The following B3GNT3 variants were observed in gnomAD, a reference collection of about 807,000 sequenced individuals.
B3GNT3 encodes the protein UDP-GlcNAc:betaGal beta-1,3-N-acetylglucosaminyltransferase 3.
Under a neutral mutation model 11.6 loss-of-function variants are expected in B3GNT3, and 7 were observed. The ratio of observed to expected loss-of-function variants is 0.60; its 90% confidence interval spans 0.34 to 1.13. The LOEUF (loss-of-function observed/expected upper bound fraction) is 1.13, where lower values mean the gene tolerates loss of function less well. Among genes scored for constraint, B3GNT3 ranks in the 50% most tolerant of loss-of-function variants. The pLI is 0.03. For synonymous variants in B3GNT3, 201 were observed against 222.1 expected (o/e 0.90, Z 0.85); for missense variants, 400 against 507.4 (o/e 0.79, Z 2.03).
chr19:17,808,066 A>G lies in B3GNT3; in HGVS notation c.259A>G (p.Arg87Gly), dbSNP rs1473010243. Residue 87 changes from arginine (R) to glycine (G), a missense_variant, in exon 2 of 3, where the codon AGA becomes GGA. Coordinates refer to ENST00000318683, the MANE Select transcript of B3GNT3 (RefSeq NM_014256.4). ...PQHVQNFLLY[R>G]HCRHFPLLQD... The stretch of plus-strand genomic sequence containing the variant: ...GCACGTTCAGAACTTCCTCCTGTAC[A>G]GACACTGCCGCCACTTTCCCCTGCT... The G allele has an allele frequency of 2.5e-6, 4 of 1,612,758 alleles. No homozygotes were observed. In the African/African-American group the frequency reaches 5.4e-5, roughly 22 times the overall value.
In B3GNT3 at chr19:17,812,269, C is replaced by T. The variant is rs1235237673; in HGVS notation, c.*147C>T. 1.7e-5 allele frequency: 15 copies of T among 864,308 alleles called. No homozygotes were observed. Among genetic ancestry groups the T allele is most frequent in the East Asian group, 5.4e-5 (2 of 37,372 alleles). 53.5% of individuals were successfully genotyped at this position (864,308 alleles called of 1,614,324 possible). On this transcript the variant is annotated 3_prime_UTR_variant, in exon 3 of 3. Coordinates refer to ENST00000318683, the MANE Select transcript of B3GNT3 (RefSeq NM_014256.4). The stretch of plus-strand genomic sequence containing the variant: ...TTTGATGAGTGAATATTCTGGCTGG[C>T]GAACTCCTACACATCCTTCAAAACC...
Position 17,808,250 on chromosome 19 carries a change from G to A in B3GNT3, c.443G>A (p.Gly148Asp). ...CAGCTGCGCCTCCTCTTCCTGGTGG[G>A]CACAGCCTCCAACCCGCACGAGGCC... ...GLQLRLLFLV[G>D]TASNPHEARK... Residue 148 changes from glycine (G) to aspartate (D), a missense_variant, in exon 2 of 3, where the codon GGC becomes GAC. Transcript: ENST00000318683. The A allele has an allele frequency of 6.2e-7, 1 of 1,613,530 alleles. No individual in the cohort carries two copies. The highest frequency in any genetic ancestry group is 1.3e-5 in the African/African-American group (1 of 75,030).
Position 17,811,521 on chromosome 19 carries a change from C to A in B3GNT3, c.568-50C>A, listed in dbSNP as rs375696804. 2.1e-5 allele frequency: 33 copies of A among 1,544,676 alleles called. No individual in the cohort carries two copies. Among genetic ancestry groups the A allele is most frequent in the South Asian group, 2.5e-5 (2 of 80,100 alleles). On this transcript the variant is annotated intron_variant, in intron 2 of 2. Coordinates refer to ENST00000318683, the MANE Select transcript of B3GNT3 (RefSeq NM_014256.4). This position sits in a 1 kb window ranked among gnomAD's most constrained non-coding sequence, Gnocchi z 4.1. Reference sequence around the variant, plus strand: ...TGGAGTGGCTAATAGAGACCCAAGGCCAATTTCTCCAGCCCTCAAGCAAGC... The same window carrying A: ...TGGAGTGGCTAATAGAGACCCAAGGACAATTTCTCCAGCCCTCAAGCAAGC...
chr19:17,798,159 A>G (rs531906280), intron 1 of B3GNT3, among the ~76,000 whole-genome samples: 1 of 151,874 alleles, frequency 6.6e-6, no homozygotes, highest in Non-Finnish European at 1.5e-5. Flanking sequence ...GAGTTTCTTC[A>G]CCCCTAGAGG....
At chr19:17,797,140 C>T (rs2094160374) in intron 1 of B3GNT3, among the ~76,000 whole-genome samples, 1 of 152,154 alleles carries the variant, frequency 6.6e-6, no homozygotes, top group African/African-American at 2.4e-5. Context: ...TAATGCAGCC[C>T]TACTTCTCAG....
At chr19:17,800,164 C>A (rs2094164435) in intron 1 of B3GNT3, among the ~76,000 whole-genome samples, 1 of 152,010 alleles carries the variant, frequency 6.6e-6, no homozygotes, top group African/African-American at 2.4e-5. Flanking sequence ...CACTTGAGGT[C>A]AGGAGTTCGA....
At chr19:17,799,788 AGGCC>A (rs57291035) in intron 1 of B3GNT3, among the ~76,000 whole-genome samples, 90,411 of 145,114 alleles carry the variant, frequency 0.62, 28,174 homozygotes, top group African/African-American at 0.78. Context: ...AGGGGTATCC[AGGCC>A]GGTTAGGGGT....
intron 1 of B3GNT3, among the ~76,000 whole-genome samples, chr19:17,796,681 ACCCT>A (rs1447773950): frequency 1.3e-5 from 2 of 151,958 alleles, no homozygotes; most frequent in African/African-American, 2.4e-5. Flanking sequence ...CAGCCTGGAC[ACCCT>A]CCCTCACTCT....
At chr19:17,796,101 T>C (rs2094159227) in intron 1 of B3GNT3, among the ~76,000 whole-genome samples, 2 of 152,150 alleles carry the variant, frequency 1.3e-5, no homozygotes, top group South Asian at 2.1e-4. Context: ...TTGTTTTATT[T>C]GTAGAGGTGG....
Position 17,811,974 on chromosome 19 carries a change from C to A in B3GNT3, c.971C>A (p.Ala324Asp). The A allele has an allele frequency of 6.2e-7, 1 of 1,607,044 alleles. No individual in the cohort carries two copies. The highest frequency in any genetic ancestry group is 8.5e-7 in the Non-Finnish European group (1 of 1,180,012). Residue 324 changes from alanine to aspartate, a missense_variant, in exon 3 of 3, where the codon GCT (alanine) becomes GAT (aspartate). Ala to Asp is a moderately radical substitution (Grantham distance 126). Coordinates refer to ENST00000318683, the MANE Select transcript of B3GNT3 (RefSeq NM_014256.4). The surrounding 1 kb of genome is among the most constrained non-coding windows in gnomAD (Gnocchi z 4.1). ...GGCATCCGCACGTCTGGCGTGCGGG[C>A]TCCATCGCAACGCCTGTCCTCCTTT... is the stretch of plus-strand genomic sequence containing the variant. The part of the protein sequence containing the change: ...HSGIRTSGVR[A>D]PSQRLSSFDP...
At position 17,811,950 on chromosome 19, in the gene B3GNT3, G is replaced by T; in HGVS notation, c.947G>T (p.Gly316Val). The part of the protein sequence containing the change: ...LEGLKPASHS[G>V]IRTSGVRAPS... ...GGACTGAAGCCTGCCTCCCACAGCG[G>T]CATCCGCACGTCTGGCGTGCGGGCT... The change falls in exon 3 of 3, where the codon GGC (glycine) becomes GTC (valine). Residue 316 changes from glycine to valine, a missense_variant. Physicochemically the swap from Gly to Val is moderately radical, Grantham distance 109. Coordinates refer to ENST00000318683, the MANE Select transcript of B3GNT3 (RefSeq NM_014256.4). This position sits in a 1 kb window ranked among gnomAD's most constrained non-coding sequence, Gnocchi z 4.1. 6.2e-7 allele frequency: 1 copy of T among 1,610,788 alleles called. No individual in the cohort carries two copies.
At position 17,811,452 on chromosome 19, in the gene B3GNT3, C is replaced by T; in HGVS notation, c.568-119C>T. 1 of 1,085,102 alleles carries T rather than the reference C, an allele frequency of 9.2e-7. No homozygotes were observed. Among genetic ancestry groups the T allele is most frequent in the Non-Finnish European group, 1.3e-6 (1 of 772,768 alleles). The allele number at this position is 1,085,102 out of a possible 1,614,324, so 67.2% of individuals were successfully genotyped here. A position where few individuals can be genotyped will look rare whatever the true frequency, so the allele number is the denominator to read the frequency against. The stretch of plus-strand genomic sequence containing the variant: ...GTAACCCCACAGGGCAGGGCCTTAA[C>T]CCAGGCTGGATTGTGGACACTTCCT... On this transcript the variant is annotated intron_variant, in intron 2 of 2. Coordinates refer to ENST00000318683, the MANE Select transcript of B3GNT3 (RefSeq NM_014256.4). The surrounding 1 kb of genome is among the most constrained non-coding windows in gnomAD (Gnocchi z 4.1).
chr19:17,803,728 G>A (rs1235659557), intron 1 of B3GNT3, among the ~76,000 whole-genome samples: 1 of 152,076 alleles, frequency 6.6e-6, no homozygotes, highest in Non-Finnish European at 1.5e-5. Context: ...ACTGGTGCCT[G>A]TGGTCGCAGC....
At position 17,808,367 on chromosome 19, in the gene B3GNT3, T is replaced by A. The variant is rs2094176536; in HGVS notation, c.560T>A (p.Leu187His). The A allele has an allele frequency of 1.9e-6, 3 of 1,602,942 alleles. No individual in the cohort carries two copies. Among genetic ancestry groups the A allele is most frequent in the Admixed American group, 1.7e-5 (1 of 59,354 alleles). Reference protein sequence around the residue: ...DFHDSFFNLTLKQVLFLQWQE... With the variant: ...DFHDSFFNLTHKQVLFLQWQE... ...CACGACTCCTTCTTCAACCTCACGCTCAAGCAGGTGCGCTGGACTGGGGTC... is the reference window on the plus strand; with the variant it reads ...CACGACTCCTTCTTCAACCTCACGCACAAGCAGGTGCGCTGGACTGGGGTC... Residue 187 changes from leucine to histidine, a missense_variant, in exon 2 of 3, where the codon CTC becomes CAC. Transcript: ENST00000318683.
chr19:17,804,300 C>A (rs2094170153), intron 1 of B3GNT3, among the ~76,000 whole-genome samples: 1 of 125,874 alleles, frequency 7.9e-6, no homozygotes, highest in Non-Finnish European at 1.6e-5. Context: ...AGTACAATGG[C>A]TTGATCTTGG....
At chr19:17,810,874 C>T (rs962626936) in intron 2 of B3GNT3, among the ~76,000 whole-genome samples, 5 of 151,106 alleles carry the variant, frequency 3.3e-5, no homozygotes, top group South Asian at 4.2e-4. Flanking sequence ...AAAGCGAAAA[C>T]TCCATCTCCA....
intron 1 of B3GNT3, among the ~76,000 whole-genome samples, chr19:17,797,981 C>T (rs916647950): frequency 1.3e-5 from 2 of 152,214 alleles, no homozygotes; most frequent in African/African-American, 2.4e-5. Context: ...ACCAACCCGC[C>T]CTGGCCTCAG....
At position 17,812,855 on chromosome 19, in the gene B3GNT3, T is replaced by C. The variant is rs2094182940; in HGVS notation, c.*733T>C. ...GCACTGGGGCTGGAATGATCTTTAATGGGCCCAAGGCCAACAGGCATATGC... is the reference window on the plus strand; with the variant it reads ...GCACTGGGGCTGGAATGATCTTTAACGGGCCCAAGGCCAACAGGCATATGC... On this transcript the variant is annotated 3_prime_UTR_variant, in exon 3 of 3. Coordinates refer to ENST00000318683, the MANE Select transcript of B3GNT3 (RefSeq NM_014256.4). The C allele has an allele frequency of 6.6e-6, 1 of 152,198 alleles. No individual in the cohort carries two copies. The highest frequency in any genetic ancestry group is 1.5e-5 in the Non-Finnish European group (1 of 68,090). The allele number at this position is 152,198 out of a possible 1,614,324, so 9.4% of individuals were successfully genotyped here. A position where few individuals can be genotyped will look rare whatever the true frequency, so the allele number is the denominator to read the frequency against.
At chr19:17,797,649 G>A (rs1395004486) in intron 1 of B3GNT3, among the ~76,000 whole-genome samples, 2 of 152,028 alleles carry the variant, frequency 1.3e-5, no homozygotes, top group African/African-American at 4.8e-5. Flanking sequence ...CTAGAAACCC[G>A]GGACACCAAA....
Sources: gnomAD v4.1 joint callset for allele counts (sites outside exome capture counted in the v4.1 genomes callset) on GRCh38, gnomAD v4.1.1 for gene constraint, Gnocchi (gnomAD v3.1) non-coding constraint, MANE v1.5 for transcripts, NCBI Gene and HGNC (gene_info 2026-07-23, HGNC 2026-07-21) for gene names.